Variants in ZNG1E observed in about 807,000 individuals in gnomAD.
ZNG1E encodes the protein Zn regulated GTPase metalloprotein activator 1E, also known as zinc-regulated GTPase metalloprotein activator 1E.
At chr9:65,687,950 A>T in the ZNG1E span, among the ~76,000 whole-genome samples, 3 of 150,948 alleles carry the variant, frequency 2.0e-5, no homozygotes, top group African/African-American at 7.3e-5. Context: ...CTTGTTTATT[A>T]CCATGAATAC....
At chr9:65,665,073 C>G in the ZNG1E span, among the ~76,000 whole-genome samples, 1 of 152,266 alleles carries the variant, frequency 6.6e-6, no homozygotes, top group East Asian at 1.9e-4. Context: ...AAATTTGCAG[C>G]CTGACAATGT....
At chr9:65,686,861 C>A in the ZNG1E span, among the ~76,000 whole-genome samples, 1 of 152,266 alleles carries the variant, frequency 6.6e-6, no homozygotes, top group African/African-American at 2.4e-5. Flanking sequence ...CCTCTCTCAG[C>A]CTTCACAGAA....
the ZNG1E span, among the ~76,000 whole-genome samples, chr9:65,709,539 TC>T: frequency 7.9e-6 from 1 of 126,212 alleles, no homozygotes; most frequent in Non-Finnish European, 1.6e-5. Context: ...AGTGTGATGT[TC>T]CCCTTCCTGT....
At chr9:65,671,492 GTATTTT>G in the ZNG1E span, among the ~76,000 whole-genome samples, 4 of 151,882 alleles carry the variant, frequency 2.6e-5, no homozygotes, top group Non-Finnish European at 5.9e-5. Context: ...GCTAATTTTT[GTATTTT>G]TAGTATAGAT....
the ZNG1E span, among the ~76,000 whole-genome samples, chr9:65,657,511 T>C: frequency 2.0e-5 from 3 of 152,354 alleles, no homozygotes; most frequent in East Asian, 1.9e-4. Flanking sequence ...TTGTGGGACC[T>C]AAAAATGAAA....
chr9:65,684,540 A>ACACGCACACG, the ZNG1E span, among the ~76,000 whole-genome samples: 13 of 141,818 alleles, frequency 9.2e-5, no homozygotes, highest in South Asian at 1.8e-3. Context: ...GTATACACAC[A>ACACGCACACG]CACACGCACG....
the ZNG1E span, among the ~76,000 whole-genome samples, chr9:65,691,573 A>C: frequency 6.6e-6 from 1 of 152,260 alleles, no homozygotes; most frequent in Non-Finnish European, 1.5e-5. Flanking sequence ...GCTTCCACTA[A>C]GGTTTTCTTT....
the ZNG1E span, among the ~76,000 whole-genome samples, chr9:65,690,342 C>T: frequency 9.8e-5 from 7 of 71,612 alleles, no homozygotes; most frequent in African/African-American, 3.8e-4. Flanking sequence ...TGGTACTGAA[C>T]CAATTTCTGT....
chr9:65,711,254 A>C, the ZNG1E span, among the ~76,000 whole-genome samples: 8 of 120,982 alleles, frequency 6.6e-5, no homozygotes, highest in African/African-American at 2.4e-4. Flanking sequence ...AGATTTTGGG[A>C]TGAGATGATG....
chr9:65,726,427 T>C, the ZNG1E span, among the ~76,000 whole-genome samples: 90 of 70,048 alleles, frequency 1.3e-3, no homozygotes, highest in African/African-American at 4.6e-3. Flanking sequence ...TGAAAAAGAA[T>C]TCACTAGGTT....
the ZNG1E span, among the ~76,000 whole-genome samples, chr9:65,656,658 T>G: frequency 6.6e-6 from 1 of 152,294 alleles, no homozygotes; most frequent in Non-Finnish European, 1.5e-5. Flanking sequence ...ATAGAGAAAC[T>G]TACTTCCTGG....
At chr9:65,658,992 G>T in the ZNG1E span, among the ~76,000 whole-genome samples, 14 of 151,974 alleles carry the variant, frequency 9.2e-5, no homozygotes, top group Non-Finnish European at 1.8e-4. Flanking sequence ...ACTACTGGGG[G>T]TTAGGGCTTC....
At chr9:65,679,646 C>T in the ZNG1E span, 2,096 of 281,274 alleles carry the variant, frequency 7.5e-3, no homozygotes, top group African/African-American at 0.043. Flanking sequence ...CCTCTGTCTC[C>T]CGGGTTAAAG....
the ZNG1E span, among the ~76,000 whole-genome samples, chr9:65,715,304 C>A: frequency 6.6e-5 from 10 of 150,494 alleles, no homozygotes; most frequent in Non-Finnish European, 8.8e-5. Context: ...GTCTGGCACT[C>A]CCTAGTGAGA....
chr9:65,687,702 C>A, the ZNG1E span, among the ~76,000 whole-genome samples: 1 of 150,306 alleles, frequency 6.7e-6, no homozygotes, highest in Admixed American at 6.7e-5. Flanking sequence ...GGAACACTTT[C>A]ATTAGAACTT....
chr9:65,719,795 A>G, the ZNG1E span: 4 of 495,814 alleles, frequency 8.1e-6, no homozygotes. Context: ...TTGCTAAAAG[A>G]CTAGTTTTTC....
At chr9:65,691,076 T>C in the ZNG1E span, 5 of 1,592,486 alleles carry the variant, frequency 3.1e-6, no homozygotes, top group East Asian at 2.2e-5. Context: ...TTTTTTGTTT[T>C]TGTTTTTTTT....
At chr9:65,711,052 C>A in the ZNG1E span, among the ~76,000 whole-genome samples, 1 of 139,944 alleles carries the variant, frequency 7.1e-6, no homozygotes, top group Non-Finnish European at 1.5e-5. Context: ...TTGTAGTTCT[C>A]CTTGAAGAGG....
At chr9:65,709,311 T>A in the ZNG1E span, among the ~76,000 whole-genome samples, 2 of 151,322 alleles carry the variant, frequency 1.3e-5, no homozygotes, top group East Asian at 3.8e-4. Context: ...TCACTTTATT[T>A]TTTTATTTTT....
Sources: allele counts gnomAD v4.1 joint callset (sites outside exome capture counted in the v4.1 genomes callset), GRCh38; gene constraint gnomAD v4.1.1; transcripts MANE v1.5; gene names NCBI Gene and HGNC (gene_info 2026-07-23, HGNC 2026-07-21).